Variants in DNAAF5 observed in about 807,000 individuals in gnomAD.
The protein encoded by DNAAF5 is HEAT repeat containing 2.
DNAAF5 carries 64 observed loss-of-function variants against 75.8 expected under a neutral mutation model. The observed-to-expected ratio is 0.84, with a 90% CI of 0.69 to 1.04. The LOEUF (loss-of-function observed/expected upper bound fraction) is 1.04, where lower values mean the gene tolerates loss of function less well. Among genes scored for constraint, DNAAF5 ranks in the 50% least tolerant of loss-of-function variants. DNAAF5 has a pLI of 0.00. For synonymous variants in DNAAF5, 657 were observed against 557.2 expected (o/e 1.18, Z -2.52); for missense variants, 1,269 against 1,178.5 (o/e 1.08, Z -1.12).
At chr7:762,015 G>C (rs1325378902) in intron 7 of DNAAF5, 119 bp downstream of exon 7, 29 of 86,076 alleles carry the variant, frequency 3.4e-4, no homozygotes, top group Non-Finnish European at 4.9e-4. Flanking sequence ...CAAAGACCAG[G>C]GATTGAGAAC....
In DNAAF5 at chr7:754,503, T is replaced by C; in HGVS notation, c.1025-86T>C. The C allele has an allele frequency of 9.2e-7, 1 of 1,086,022 alleles. No homozygotes were observed. Among genetic ancestry groups the C allele is most frequent in the Non-Finnish European group, 1.4e-6 (1 of 716,812 alleles). 67.3% of individuals were successfully genotyped at this position (1,086,022 alleles called of 1,614,324 possible). A position where few individuals can be genotyped will look rare whatever the true frequency, so the allele number is the denominator to read the frequency against. On this transcript the variant is annotated intron_variant, in intron 4 of 12. Coordinates refer to ENST00000297440, the MANE Select transcript of DNAAF5 (RefSeq NM_017802.4). The surrounding 1 kb of genome is among the most constrained non-coding windows in gnomAD (Gnocchi z 4.8). ...AAATGGTGAGGTTGAAACTCACAGG[T>C]GTCCCTTAAATGTGATGTGCGGTAA...
chr7:776,803 G>T (rs1015522288), intron 11 of DNAAF5, among the ~76,000 whole-genome samples: 1 of 152,246 alleles, frequency 6.6e-6, no homozygotes, highest in Non-Finnish European at 1.5e-5. Context: ...CCATGGGCCA[G>T]TACCTGTCCG....
At chr7:781,486 G>A (rs4721086) in intron 12 of DNAAF5, among the ~76,000 whole-genome samples, 27,804 of 152,124 alleles carry the variant, frequency 0.18, 2,884 homozygotes, top group East Asian at 0.29. Context: ...CGGCGTGCGC[G>A]TGCAGCTCTC....
Position 786,390 on chromosome 7 carries a change from CGGG to C in DNAAF5, c.*740_*742del, listed in dbSNP as rs775744992. Reference sequence around the variant, plus strand: ...GTTACCGGAAGCCATTGTGTTCACACGGGGGAAATGCCGTATATATTTTTCAAC... The same window carrying C: ...GTTACCGGAAGCCATTGTGTTCACACGGAAATGCCGTATATATTTTTCAAC... On this transcript the variant is annotated 3_prime_UTR_variant, in exon 13 of 13. Coordinates refer to ENST00000297440, the MANE Select transcript of DNAAF5 (RefSeq NM_017802.4). 6.6e-5 allele frequency: 10 copies of C among 152,240 alleles called. No homozygotes were observed. The highest frequency in any genetic ancestry group is 3.4e-3 in the Middle Eastern group (1 of 294). The allele number at this position is 152,240 out of a possible 1,614,324, so 9.4% of individuals were successfully genotyped here.
At chr7:731,686 T>C (rs1260657537) in intron 2 of DNAAF5, among the ~76,000 whole-genome samples, 1 of 152,218 alleles carries the variant, frequency 6.6e-6, no homozygotes, top group Admixed American at 6.5e-5. Flanking sequence ...TTTGTGATTT[T>C]TTTTTTTCTT....
chr7:757,545 A>G (rs1033228523), intron 6 of DNAAF5, among the ~76,000 whole-genome samples: 1 of 152,264 alleles, frequency 6.6e-6, no homozygotes, highest in Non-Finnish European at 1.5e-5. Flanking sequence ...TGCTTCTCAC[A>G]GCCCAGCTGA....
intron 10 of DNAAF5, 108 bp downstream of exon 10, chr7:774,306 C>A: frequency 8.4e-7 from 1 of 1,192,558 alleles, no homozygotes; most frequent in Non-Finnish European, 1.1e-6. Flanking sequence ...GCAGCTGCAC[C>A]TCCACCTGGG....
At position 731,712 on chromosome 7, in the gene DNAAF5, T is replaced by A. The variant is rs530916626; in HGVS notation, c.780+1865T>A. On this transcript the variant is annotated intron_variant, in intron 2 of 12. Transcript: ENST00000297440. ...TTTTTTTCTTTTAGCTCGTCAGCTATCATTAGTGTTAGTGTTATTTTATGT... is the reference window on the plus strand; with the variant it reads ...TTTTTTTCTTTTAGCTCGTCAGCTAACATTAGTGTTAGTGTTATTTTATGT... Among the ~76,000 whole-genome samples the A allele has an allele frequency of 3.3e-5, 5 of 152,218 alleles. No homozygotes were observed. The South Asian group carries it at 1.0e-3, about 32-fold the overall frequency.
At chr7:760,089 CT>C (rs1562390129) in intron 6 of DNAAF5, among the ~76,000 whole-genome samples, 27 of 11,032 alleles carry the variant, frequency 2.4e-3, no homozygotes, top group Non-Finnish European at 5.9e-3. Flanking sequence ...TCCTCCAGCT[CT>C]GAGGGAGACG....
At chr7:755,754 C>T (rs1002714316) in intron 5 of DNAAF5, among the ~76,000 whole-genome samples, 6 of 152,176 alleles carry the variant, frequency 3.9e-5, no homozygotes, top group Non-Finnish European at 8.8e-5. Flanking sequence ...AAATCTAAAT[C>T]ATTGTGACTG....
rs907290309 is a variant in DNAAF5, at chr7:726,844, A to G, written c.124A>G (p.Ser42Gly). ...CCTGCTGCCGGGGCTGGAGGCCGAC[A>G]GCAAGCCGGGCCGGCGGCGCGCCTT... is the stretch of plus-strand genomic sequence containing the variant. ...SRLLPGLEAD[S>G]KPGRRRALEA... Residue 42 changes from serine to glycine, a missense_variant, in exon 1 of 13, where the codon AGC becomes GGC. Coordinates refer to ENST00000297440, the MANE Select transcript of DNAAF5 (RefSeq NM_017802.4). 9.1e-6 allele frequency: 12 copies of G among 1,324,456 alleles called. No individual in the cohort carries two copies. The highest frequency in any genetic ancestry group is 2.9e-4 in the Middle Eastern group (1 of 3,496). The allele number at this position is 1,324,456 out of a possible 1,614,324, so 82.0% of individuals were successfully genotyped here. A position where few individuals can be genotyped will look rare whatever the true frequency, so the allele number is the denominator to read the frequency against.
chr7:731,422 A>G (rs1282859274), intron 2 of DNAAF5, among the ~76,000 whole-genome samples: 2 of 152,368 alleles, frequency 1.3e-5, no homozygotes, highest in African/African-American at 4.8e-5. Flanking sequence ...GTAACTCAGT[A>G]TAACTATACC....
intron 8 of DNAAF5, among the ~76,000 whole-genome samples, chr7:767,331 G>A (rs1778341282): frequency 6.6e-6 from 1 of 152,120 alleles, no homozygotes; most frequent in Non-Finnish European, 1.5e-5. Flanking sequence ...AGCTGGGAGT[G>A]CCAAGGTGCT....
intron 4 of DNAAF5, among the ~76,000 whole-genome samples, chr7:744,209 G>A (rs925426661): frequency 1.3e-5 from 2 of 152,032 alleles, no homozygotes; most frequent in Non-Finnish European, 2.9e-5. Context: ...TTGTTCTTGC[G>A]ATAGTTTACT....
In DNAAF5 at chr7:758,682, TTTTA is replaced by T. The variant is rs1169158014; in HGVS notation, c.1470+1697_1470+1700del. ...ACCTGGGTAATTTTTTTTTATTTATTTTTATTTATTTACTTTTTGGGACAGAGTC... is the reference window on the plus strand; with the variant it reads ...ACCTGGGTAATTTTTTTTTATTTATTTTTATTTACTTTTTGGGACAGAGTC... On this transcript the variant is annotated intron_variant, in intron 6 of 12. Coordinates refer to ENST00000297440, the MANE Select transcript of DNAAF5 (RefSeq NM_017802.4). Among the ~76,000 whole-genome samples, 5 of 152,276 alleles carry T rather than the reference TTTTA, an allele frequency of 3.3e-5. No homozygotes were observed. In the East Asian group the frequency reaches 9.7e-4, roughly 29 times the overall value.
At chr7:745,080 T>A (rs77595485) in intron 4 of DNAAF5, among the ~76,000 whole-genome samples, 56,860 of 151,798 alleles carry the variant, frequency 0.37, 10,777 homozygotes, top group South Asian at 0.5. Context: ...GGTCGGACCT[T>A]TAAGCTAAGC....
At chr7:779,723 C>T (rs1015326276) in intron 11 of DNAAF5, among the ~76,000 whole-genome samples, 3 of 152,190 alleles carry the variant, frequency 2.0e-5, no homozygotes, top group Non-Finnish European at 2.9e-5. Context: ...TTACAGGGGC[C>T]GCAGCAGGGC....
chr7:733,848 T>C (rs1256103613), intron 2 of DNAAF5, among the ~76,000 whole-genome samples: 1 of 152,176 alleles, frequency 6.6e-6, no homozygotes, highest in East Asian at 1.9e-4. Context: ...AATTCCTAGG[T>C]ATCTTATTTT....
chr7:739,820 T>G (rs1781849843), intron 2 of DNAAF5, among the ~76,000 whole-genome samples: 1 of 152,152 alleles, frequency 6.6e-6, no homozygotes, highest in African/African-American at 2.4e-5. Flanking sequence ...TGGGCCTTGT[T>G]GGAGCCGGGG....
Sources: allele counts gnomAD v4.1 joint callset (sites outside exome capture counted in the v4.1 genomes callset), GRCh38; gene constraint gnomAD v4.1.1; non-coding constraint Gnocchi (gnomAD v3.1); transcripts MANE v1.5; gene names NCBI Gene and HGNC (gene_info 2026-07-23, HGNC 2026-07-21).